Variants in KLHL20 observed in about 807,000 individuals in gnomAD.
The protein encoded by KLHL20 is kelch-like protein 20.
KLHL20 carries 29 observed loss-of-function variants against 69.5 expected under a neutral mutation model. That is an observed-to-expected ratio of 0.42 (90% confidence interval 0.31 to 0.57). The LOEUF (loss-of-function observed/expected upper bound fraction) is 0.57, where lower values mean the gene tolerates loss of function less well. Among genes scored for constraint, KLHL20 ranks in the 20% least tolerant of loss-of-function variants. The pLI is 0.18. For missense variants in KLHL20, 419 were observed against 776.0 expected (o/e 0.54, Z 5.47); for synonymous variants, 253 against 265.2 (o/e 0.95, Z 0.45).
At chr1:173,749,983 TA>T (rs1225519120) in intron 3 of KLHL20, among the ~76,000 whole-genome samples, 1 of 152,138 alleles carries the variant, frequency 6.6e-6, no homozygotes, top group South Asian at 2.1e-4. Flanking sequence ...GGCACCCAAT[TA>T]AATTTAAATT....
At chr1:173,745,170 CTTTTTTTTTTT>C (rs796578983) in intron 3 of KLHL20, among the ~76,000 whole-genome samples, 10 of 115,534 alleles carry the variant, frequency 8.7e-5, no homozygotes, top group Admixed American at 1.0e-4. Flanking sequence ...TTTCTTTTTT[CTTTTTTTTTTT>C]TTTTTTTTGA....
In KLHL20 at chr1:173,752,410, T is replaced by C. The variant is rs573869639; in HGVS notation, c.756+488T>C. Among the ~76,000 whole-genome samples, 4 of 152,378 alleles carry C rather than the reference T, an allele frequency of 2.6e-5. 1 individual carries two copies. Among genetic ancestry groups the C allele is most frequent in the African/African-American group, 9.6e-5 (4 of 41,592 alleles). On this transcript the variant is annotated intron_variant, in intron 4 of 11. Transcript: ENST00000209884. ...TATTAATGTGGGCTTTTTGCTCCTT[T>C]GCTTTCCCCGTATTTTGGATCAATT...
intron 3 of KLHL20, chr1:173,734,511 A>G (rs1038995396): frequency 3.9e-6 from 2 of 515,856 alleles, no homozygotes; most frequent in Admixed American, 3.4e-5. Context: ...TGTATTCATA[A>G]AAGTATTTAA....
At chr1:173,728,094 A>G (rs1571857677) in intron 2 of KLHL20, among the ~76,000 whole-genome samples, 1 of 152,216 alleles carries the variant, frequency 6.6e-6, no homozygotes, top group Non-Finnish European at 1.5e-5. Context: ...AGGGGTTGCA[A>G]TCCTAGTCTC....
chr1:173,752,336 T>C (rs929936690), intron 4 of KLHL20, among the ~76,000 whole-genome samples: 7 of 152,230 alleles, frequency 4.6e-5, no homozygotes, highest in Admixed American at 1.3e-4. Context: ...AAAGTCCATC[T>C]GTTTCCAAAT....
At chr1:173,718,961 C>T (rs1218004697) in intron 2 of KLHL20, among the ~76,000 whole-genome samples, 2 of 151,686 alleles carry the variant, frequency 1.3e-5, no homozygotes, top group South Asian at 2.1e-4. Context: ...AAAAATTAGC[C>T]GGGTGCGGTG....
chr1:173,748,431 A>G (rs1468860208), intron 3 of KLHL20, among the ~76,000 whole-genome samples: 2 of 152,180 alleles, frequency 1.3e-5, no homozygotes, highest in Admixed American at 1.3e-4. Flanking sequence ...GGGAAATACT[A>G]TGACTTAAGT....
chr1:173,733,089 G>A (rs921286640), intron 2 of KLHL20, among the ~76,000 whole-genome samples: 8 of 142,862 alleles, frequency 5.6e-5, no homozygotes, highest in South Asian at 2.2e-4. Context: ...ATGCAATCTC[G>A]GCTTACTGCA....
In KLHL20 at chr1:173,785,262, G is replaced by A. The variant is rs1327561059; in HGVS notation, c.*15G>A. The A allele has an allele frequency of 2.5e-6, 4 of 1,581,082 alleles. No homozygotes were observed. The highest frequency in any genetic ancestry group is 3.5e-6 in the Non-Finnish European group (4 of 1,156,478). On this transcript the variant is annotated 3_prime_UTR_variant, in exon 12 of 12. Coordinates refer to ENST00000209884, the MANE Select transcript of KLHL20 (RefSeq NM_014458.4). ...ATATTTGGTGAACACAGAGAAGACA[G>A]TCTTGTATATATTCCTCTGTATTCT...
intron 8 of KLHL20, among the ~76,000 whole-genome samples, chr1:173,771,445 T>C (rs565796393): frequency 6.6e-6 from 1 of 152,142 alleles, no homozygotes; most frequent in East Asian, 1.9e-4. Flanking sequence ...ACTGTAGAAC[T>C]ATGACTAAAT....
rs1026119859 is a variant in KLHL20, at chr1:173,785,375, A to C, written c.*128A>C. 1 of 483,842 alleles carries C rather than the reference A, an allele frequency of 2.1e-6. No homozygotes were observed. The highest frequency in any genetic ancestry group is 3.5e-6 in the Non-Finnish European group (1 of 283,148). 30.0% of individuals were successfully genotyped at this position (483,842 alleles called of 1,614,324 possible). On this transcript the variant is annotated 3_prime_UTR_variant, in exon 12 of 12. Coordinates refer to ENST00000209884, the MANE Select transcript of KLHL20 (RefSeq NM_014458.4). ...TGCCGGTGCCTCAACAAATGGAAAT[A>C]CAATCCAATGAAAGTACTTCACCTG...
intron 3 of KLHL20, among the ~76,000 whole-genome samples, chr1:173,736,841 C>A (rs536520143): frequency 6.6e-6 from 1 of 152,244 alleles, no homozygotes; most frequent in African/African-American, 2.4e-5. Flanking sequence ...GGTGATCTGC[C>A]CGCCTTGGCC....
intron 9 of KLHL20, 29 bp downstream of exon 9, chr1:173,774,467 C>A (rs1648320976): frequency 6.2e-7 from 1 of 1,612,508 alleles, no homozygotes; most frequent in African/African-American, 1.3e-5. Flanking sequence ...CAATCAGGTT[C>A]CCCAAAAGCA....
Position 173,782,245 on chromosome 1 carries a change from GT to G in KLHL20, c.1745+16del. 2 of 1,580,508 alleles carry G rather than the reference GT, an allele frequency of 1.3e-6. No homozygotes were observed. The highest frequency in any genetic ancestry group is 1.7e-6 in the Non-Finnish European group (2 of 1,149,440). ...AATACATGGAGGTAACTTTTAAGCTGTGTAGCAAATCACCTCACTACTGATT... is the reference window on the plus strand; with the variant it reads ...AATACATGGAGGTAACTTTTAAGCTGGTAGCAAATCACCTCACTACTGATT... On this transcript the variant is annotated intron_variant, in intron 11 of 11. Transcript: ENST00000209884.
chr1:173,776,243 G>A (rs1256130497), intron 10 of KLHL20, among the ~76,000 whole-genome samples: 1 of 152,106 alleles, frequency 6.6e-6, no homozygotes, highest in Non-Finnish European at 1.5e-5. Flanking sequence ...TTGGAGAAAG[G>A]TCTATTCAGA....
At chr1:173,774,553 C>T in intron 9 of KLHL20, 115 bp downstream of exon 9, 1 of 1,164,656 alleles carries the variant, frequency 8.6e-7, no homozygotes, top group South Asian at 1.4e-5. Flanking sequence ...AGGAAAATGC[C>T]TGATTTTTCC....
At chr1:173,739,165 C>T (rs1235671692) in intron 3 of KLHL20, among the ~76,000 whole-genome samples, 1 of 152,070 alleles carries the variant, frequency 6.6e-6, no homozygotes, top group African/African-American at 2.4e-5. Flanking sequence ...CTCCACCTCC[C>T]ACATTCAAGC....
At chr1:173,742,689 T>C (rs1189168383) in intron 3 of KLHL20, among the ~76,000 whole-genome samples, 2 of 151,092 alleles carry the variant, frequency 1.3e-5, no homozygotes, top group East Asian at 3.9e-4. Flanking sequence ...ATATATCGTA[T>C]GTATATGTGT....
At chr1:173,775,086 T>C (rs559522588) in intron 9 of KLHL20, among the ~76,000 whole-genome samples, 56 of 152,162 alleles carry the variant, frequency 3.7e-4, no homozygotes, top group African/African-American at 7.0e-4. Context: ...GCTGGAATTA[T>C]AAGTGTGAGC....
Sources: allele counts gnomAD v4.1 joint callset (sites outside exome capture counted in the v4.1 genomes callset), GRCh38; gene constraint gnomAD v4.1.1; transcripts MANE v1.5; gene names NCBI Gene and HGNC (gene_info 2026-07-23, HGNC 2026-07-21).